The following KATNAL2 variants were observed in gnomAD, a reference collection of about 807,000 sequenced individuals.
KATNAL2 encodes katanin p60 ATPase-containing subunit A-like 2.
KATNAL2 carries 52 observed loss-of-function variants against 76.3 expected under a neutral mutation model. The observed-to-expected ratio is 0.68, with a 90% CI of 0.55 to 0.86. The LOEUF is 0.86. Ranked by LOEUF, KATNAL2 falls within the 40% of genes least tolerant of loss-of-function variation. The pLI is 0.00. For synonymous variants in KATNAL2, 243 were observed against 244.2 expected, an observed-to-expected ratio of 1.00 and a Z score of 0.05; for missense variants, 660 against 668.9, an observed-to-expected ratio of 0.99 and a Z score of 0.15.
chr18:47,046,859 G>A (rs535402633), intron 4 of KATNAL2, among the ~76,000 whole-genome samples: 1 of 152,110 alleles, frequency 6.6e-6, no homozygotes, highest in Non-Finnish European at 1.5e-5. Context: ...TGCCAATATG[G>A]TACCATACAA....
Position 47,033,163 on chromosome 18 carries a change from A to C in KATNAL2, c.52-13294A>C, listed in dbSNP as rs1569048864. Reference sequence around the variant, plus strand: ...CCGCTTCTCAGGGAGCCAGCGAAGGATGCTGCTGCTGCTGTCTCTGCCACC... The same window carrying C: ...CCGCTTCTCAGGGAGCCAGCGAAGGCTGCTGCTGCTGCTGTCTCTGCCACC... On this transcript the variant is annotated intron_variant, in intron 3 of 17. Transcript: ENST00000683218. The C allele has an allele frequency of 1.9e-6, 3 of 1,614,032 alleles. No individual in the cohort carries two copies. In the Admixed American group the frequency reaches 5.0e-5, roughly 27 times the overall value.
chr18:46,925,950 T>A (rs1204394561), intron 1 of KATNAL2, among the ~76,000 whole-genome samples: 3 of 152,206 alleles, frequency 2.0e-5, no homozygotes, highest in Non-Finnish European at 4.4e-5. Flanking sequence ...TCATTTTTTA[T>A]TGCGTCTATT....
chr18:46,946,955 C>G, intron 3 of KATNAL2, 32 bp downstream of exon 3: 1 of 1,323,564 alleles, frequency 7.6e-7, no homozygotes, highest in Non-Finnish European at 1.0e-6. Flanking sequence ...CATGATTATA[C>G]CAAGAACCCC....
chr18:47,059,422 C>G, intron 7 of KATNAL2, 134 bp from the exon 8 acceptor site: 1 of 680,066 alleles, frequency 1.5e-6, no homozygotes, highest in Non-Finnish European at 2.7e-6. Flanking sequence ...ACAAATGTGG[C>G]TAAGCTACAT....
intron 3 of KATNAL2, among the ~76,000 whole-genome samples, chr18:46,956,791 C>A (rs1207707209): frequency 2.6e-5 from 4 of 151,936 alleles, no homozygotes; most frequent in Admixed American, 2.6e-4. Context: ...GCCTGTAATC[C>A]CAGCACTTTG....
chr18:46,960,437 A>T (rs1306742471), intron 3 of KATNAL2, among the ~76,000 whole-genome samples: 3 of 151,972 alleles, frequency 2.0e-5, no homozygotes, highest in African/African-American at 7.3e-5. Context: ...CAAAAAAAAA[A>T]AAAATGAACA....
chr18:46,952,702 G>T (rs1262901839), intron 3 of KATNAL2, among the ~76,000 whole-genome samples: 1 of 150,832 alleles, frequency 6.6e-6, no homozygotes, highest in Non-Finnish European at 1.5e-5. Flanking sequence ...CCTGGCCCAG[G>T]TATGTTTTTT....
intron 3 of KATNAL2, chr18:47,035,348 G>A (rs1357704392): frequency 1.9e-5 from 31 of 1,597,990 alleles, no homozygotes; most frequent in Non-Finnish European, 2.6e-5. Context: ...TGGGGTGGCC[G>A]GTCCTCGCTG....
chr18:46,947,300 GAGTT>G (rs1240214559), intron 3 of KATNAL2, among the ~76,000 whole-genome samples: 2 of 152,216 alleles, frequency 1.3e-5, no homozygotes, highest in African/African-American at 4.8e-5. Flanking sequence ...ATTGACCTGG[GAGTT>G]AGTTAGAATA....
At chr18:47,100,151 C>T (rs1011108520) in intron 16 of KATNAL2, 103 bp from the exon 17 acceptor site, 3 of 747,618 alleles carry the variant, frequency 4.0e-6, no homozygotes, top group South Asian at 3.3e-5. Flanking sequence ...GTGACAGATA[C>T]AGAATCTACA....
Position 46,946,509 on chromosome 18 carries a change from G to C in KATNAL2, c.-57G>C. 1 of 985,464 alleles carries C rather than the reference G, an allele frequency of 1.0e-6. No individual in the cohort carries two copies. Among genetic ancestry groups the C allele is most frequent in the Non-Finnish European group, 1.2e-6 (1 of 829,940 alleles). 61.0% of individuals were successfully genotyped at this position (985,464 alleles called of 1,614,324 possible). A position where few individuals can be genotyped will look rare whatever the true frequency, so the allele number is the denominator to read the frequency against. On this transcript the variant is annotated 5_prime_UTR_variant, in exon 2 of 18. Coordinates refer to ENST00000683218, the MANE Select transcript of KATNAL2 (RefSeq NM_001387690.1). ...GGGTATAGAAGCATTGGGTCGCAAA[G>C]ACCTGAACAACGGCTGAAATCAAGG... is the stretch of plus-strand genomic sequence containing the variant.
At chr18:47,048,344 A>G (rs747986863) in intron 4 of KATNAL2, among the ~76,000 whole-genome samples, 2 of 152,190 alleles carry the variant, frequency 1.3e-5, no homozygotes, top group South Asian at 4.1e-4. Flanking sequence ...GAGAGGTACA[A>G]AGGAAAAAGG....
intron 7 of KATNAL2, 22 bp from the exon 8 acceptor site, chr18:47,059,534 G>A: frequency 1.9e-6 from 3 of 1,544,052 alleles, no homozygotes; most frequent in Non-Finnish European, 2.7e-6. Context: ...CAGCCGATGT[G>A]TCCTTGTCTC....
chr18:47,051,097 G>T (rs538306382), intron 4 of KATNAL2, among the ~76,000 whole-genome samples: 4 of 152,250 alleles, frequency 2.6e-5, no homozygotes, highest in African/African-American at 9.6e-5. Context: ...TTATGGCCCA[G>T]TATTGCACAC....
intron 8 of KATNAL2, 54 bp downstream of exon 8, chr18:47,059,708 A>T: frequency 1.6e-6 from 2 of 1,212,630 alleles, no homozygotes; most frequent in Non-Finnish European, 2.4e-6. Flanking sequence ...TTTTCCTTTT[A>T]AACATGAAAA....
Position 47,077,474 on chromosome 18 carries a change from G to A in KATNAL2, c.1211+13G>A, listed in dbSNP as rs1211411641. The A allele has an allele frequency of 3.1e-6, 5 of 1,589,552 alleles. No homozygotes were observed. In the Admixed American group the frequency reaches 5.0e-5, roughly 16 times the overall value. ...CTAACCTGCCGTGGTAAGAGACCAA[G>A]AGAGTAAATTTTGAATACATTTTCA... On this transcript the variant is annotated intron_variant, in intron 15 of 17. Coordinates refer to ENST00000683218, the MANE Select transcript of KATNAL2 (RefSeq NM_001387690.1).
intron 1 of KATNAL2, among the ~76,000 whole-genome samples, chr18:46,936,530 A>G (rs1172439952): frequency 1.3e-5 from 2 of 152,230 alleles, no homozygotes; most frequent in African/African-American, 4.8e-5. Context: ...GATTGAGCCC[A>G]TAAGTTTGAG....
At chr18:47,052,840 C>G (rs756952019) in intron 4 of KATNAL2, 40 bp from the exon 5 acceptor site, 2 of 1,486,006 alleles carry the variant, frequency 1.3e-6, no homozygotes, top group African/African-American at 2.8e-5. Flanking sequence ...ATTCTTTTCA[C>G]CTCAGTTAAT....
intron 1 of KATNAL2, among the ~76,000 whole-genome samples, chr18:46,923,849 G>A (rs1380897974): frequency 1.3e-5 from 2 of 152,168 alleles, no homozygotes; most frequent in East Asian, 3.8e-4. Context: ...TTTTTCATGT[G>A]TCTTTTGGCT....
Sources: gnomAD v4.1 joint callset for allele counts (sites outside exome capture counted in the v4.1 genomes callset) on GRCh38, gnomAD v4.1.1 for gene constraint, MANE v1.5 for transcripts, NCBI Gene and HGNC (gene_info 2026-07-23, HGNC 2026-07-21) for gene names.